RGS7: variants seen among roughly 807,000 people sequenced by gnomAD.
RGS7 encodes the protein regulator of G protein signaling 7.
In RGS7, 27 loss-of-function variants were observed where a neutral mutation model predicts 81.1. The ratio of observed to expected loss-of-function variants is 0.33; its 90% CI spans 0.25 to 0.46. The LOEUF (loss-of-function observed/expected upper bound fraction) is 0.46, where lower values mean the gene tolerates loss of function less well. RGS7 is among the 20% of genes least tolerant of loss of function. The pLI is 1.00. For missense variants in RGS7, 396 were observed against 607.4 expected, an observed-to-expected ratio of 0.65 and a Z score of 3.66; for synonymous variants, 208 against 207.7, an observed-to-expected ratio of 1.00 and a Z score of -0.01.
chr1:240,935,042 C>G (rs963750357), intron 5 of RGS7, among the ~76,000 whole-genome samples: 4 of 150,134 alleles, frequency 2.7e-5, no homozygotes, highest in Non-Finnish European at 5.9e-5. Context: ...GCACATGCCA[C>G]AACACCCAGC....
Position 240,870,001 on chromosome 1 carries a change from C to A in RGS7, c.450+54G>T, listed in dbSNP as rs1664192868. On this transcript the variant is annotated intron_variant, in intron 7 of 18. Transcript: ENST00000440928. ...CATCCTGCCCAGAAAAGGCTGTGGG[C>A]CTTACTGCTGTGCATTCTATGACTA... 5 of 1,392,226 alleles carry A rather than the reference C, an allele frequency of 3.6e-6. No individual in the cohort carries two copies. The East Asian group carries it at 9.1e-5, about 25-fold the overall frequency. 86.2% of individuals were successfully genotyped at this position (1,392,226 alleles called of 1,614,324 possible).
chr1:241,032,314 A>T (rs1208803438), intron 3 of RGS7, among the ~76,000 whole-genome samples: 1 of 151,920 alleles, frequency 6.6e-6, no homozygotes, highest in Non-Finnish European at 1.5e-5. Context: ...TGGGTTCTCT[A>T]CTCTGTTCCA....
intron 2 of RGS7, among the ~76,000 whole-genome samples, chr1:241,175,834 C>T (rs1375325775): frequency 1.2e-4 from 19 of 152,180 alleles, no homozygotes; most frequent in Admixed American, 1.2e-3. Context: ...TACAATCAAA[C>T]ACATCAAGAC....
rs183764105 is a variant in RGS7, at chr1:240,853,095, T to C, written c.609+15492A>G. On this transcript the variant is annotated intron_variant, in intron 9 of 18. Transcript: ENST00000440928. ...TAATGAGGTAAAATGTAGGACATCATATGAATAACTAAGGTAATGCAACCA... is the reference window on the plus strand; with the variant it reads ...TAATGAGGTAAAATGTAGGACATCACATGAATAACTAAGGTAATGCAACCA... Among the ~76,000 whole-genome samples the C allele has an allele frequency of 4.6e-5, 7 of 152,348 alleles. No homozygotes were observed. The East Asian group carries it at 1.3e-3, about 29-fold the overall frequency.
At chr1:240,779,175 C>T (rs1050515538) in intron 18 of RGS7, among the ~76,000 whole-genome samples, 23 of 151,478 alleles carry the variant, frequency 1.5e-4, no homozygotes, top group Admixed American at 4.6e-4. Context: ...AGTGCAATGG[C>T]GCAATCTCGG....
intron 6 of RGS7, among the ~76,000 whole-genome samples, chr1:240,895,015 G>A (rs66762905): frequency 0.13 from 19,441 of 152,200 alleles, 1,356 homozygotes; most frequent in Middle Eastern, 0.18. Flanking sequence ...GGATGGAACA[G>A]TCCGTCATGG....
At chr1:241,215,638 A>T (rs1258779802) in intron 2 of RGS7, among the ~76,000 whole-genome samples, 1 of 151,918 alleles carries the variant, frequency 6.6e-6, no homozygotes, top group Non-Finnish European at 1.5e-5. Flanking sequence ...GACTTCAAAA[A>T]TTTTTTTTGG....
chr1:240,883,414 C>T (rs910114494), intron 6 of RGS7, among the ~76,000 whole-genome samples: 21 of 152,152 alleles, frequency 1.4e-4, no homozygotes, highest in African/African-American at 4.3e-4. Context: ...CACGTTCATG[C>T]GTTTTGGCAA....
intron 18 of RGS7, among the ~76,000 whole-genome samples, chr1:240,794,271 A>C (rs1483585734): frequency 1.3e-5 from 2 of 152,162 alleles, no homozygotes; most frequent in Non-Finnish European, 2.9e-5. Flanking sequence ...ATTGTGGTAG[A>C]GATTGATATC....
intron 2 of RGS7, among the ~76,000 whole-genome samples, chr1:241,150,898 A>G (rs2068698623): frequency 6.6e-6 from 1 of 152,148 alleles, no homozygotes; most frequent in African/African-American, 2.4e-5. Context: ...AGGCACAAGA[A>G]CCCAGAGGGC....
intron 4 of RGS7, among the ~76,000 whole-genome samples, chr1:240,946,032 ATGTATTAAAACATTTTTTC>A: frequency 1.3e-5 from 2 of 152,300 alleles, no homozygotes; most frequent in Middle Eastern, 6.8e-3. Flanking sequence ...GTTAAATAAG[ATGTATTAAAACATTTTTTC>A]TGTTTGCTGT....
At chr1:241,174,167 T>G (rs2070938572) in intron 2 of RGS7, among the ~76,000 whole-genome samples, 3 of 152,184 alleles carry the variant, frequency 2.0e-5, no homozygotes, top group Admixed American at 6.5e-5. Flanking sequence ...CATGAATAGG[T>G]TGAAAACTTG....
intron 3 of RGS7, among the ~76,000 whole-genome samples, chr1:241,022,962 C>CTAATAA (rs1404783300): frequency 1.9e-4 from 29 of 151,986 alleles, no homozygotes; most frequent in African/African-American, 6.8e-4. Flanking sequence ...TTAATAATAA[C>CTAATAA]TAATAACAAC....
rs193003268 is a variant in RGS7 at position 241,343,057 on chromosome 1, T to C, written c.78+12642A>G. On this transcript the variant is annotated intron_variant, in intron 2 of 18. Coordinates refer to ENST00000440928, the MANE Select transcript of RGS7 (RefSeq NM_001364886.1). Reference sequence around the variant, plus strand: ...GCAGGAGGATGACGAGGTCAGGAGATCGAGACCATCCTGGCTAACACGGTG... The same window carrying C: ...GCAGGAGGATGACGAGGTCAGGAGACCGAGACCATCCTGGCTAACACGGTG... 2.0e-5 allele frequency among the ~76,000 whole-genome samples: 3 copies of C among 152,020 alleles called. No individual in the cohort carries two copies. The East Asian group carries it at 5.8e-4, about 30-fold the overall frequency.
chr1:240,794,146 G>A (rs571062609), intron 18 of RGS7, among the ~76,000 whole-genome samples: 2 of 152,014 alleles, frequency 1.3e-5, no homozygotes, highest in Admixed American at 1.3e-4. Context: ...GGGTGTTTGT[G>A]TCAGTTGAGG....
Position 240,875,978 on chromosome 1 carries a change from A to G in RGS7, c.386-5859T>C, listed in dbSNP as rs557414931. Among the ~76,000 whole-genome samples, 30 of 152,288 alleles carry G rather than the reference A, an allele frequency of 2.0e-4. 1 individual carries two copies. In the South Asian group the frequency reaches 5.4e-3, roughly 27 times the overall value. ...TAAAGCTCCTTATGATTTTTACGGTACCTTTAGCCTCTCTCTATGATGCTG... is the reference window on the plus strand; with the variant it reads ...TAAAGCTCCTTATGATTTTTACGGTGCCTTTAGCCTCTCTCTATGATGCTG... On this transcript the variant is annotated intron_variant, in intron 6 of 18. Coordinates refer to ENST00000440928, the MANE Select transcript of RGS7 (RefSeq NM_001364886.1).
At chr1:241,004,805 A>G (rs960117246) in intron 3 of RGS7, among the ~76,000 whole-genome samples, 3 of 152,154 alleles carry the variant, frequency 2.0e-5, no homozygotes, top group Non-Finnish European at 4.4e-5. Flanking sequence ...CAGTCCAACA[A>G]GGCAGGTCAG....
intron 2 of RGS7, among the ~76,000 whole-genome samples, chr1:241,335,159 G>A (rs1281007217): frequency 6.6e-6 from 1 of 152,166 alleles, no homozygotes; most frequent in African/African-American, 2.4e-5. Context: ...TAGGGGGAGA[G>A]GAGGAAGTTA....
At chr1:240,827,290 G>C in intron 9 of RGS7, 118 bp from the exon 10 acceptor site, 1 of 815,338 alleles carries the variant, frequency 1.2e-6, no homozygotes, top group South Asian at 1.4e-5. Context: ...CACAAATCAA[G>C]GGAGGTGTTT....
Sources: allele counts gnomAD v4.1 joint callset (sites outside exome capture counted in the v4.1 genomes callset), GRCh38; gene constraint gnomAD v4.1.1; transcripts MANE v1.5; gene names NCBI Gene and HGNC (gene_info 2026-07-23, HGNC 2026-07-21).